Variants in ARHGAP12 observed in about 807,000 individuals in gnomAD.
ARHGAP12 encodes the protein Rho GTPase activating protein 12.
A neutral mutation model predicts 108.6 loss-of-function variants in ARHGAP12; 64 were observed. The observed-to-expected ratio is 0.59, with a 90% CI of 0.48 to 0.73. ARHGAP12 has a LOEUF of 0.73. ARHGAP12 is among the 30% of genes least tolerant of loss of function. The pLI, the probability that ARHGAP12 is intolerant of heterozygous loss-of-function variation, is 0.00. For missense variants in ARHGAP12, 940 were observed against 1,005.9 expected, an observed-to-expected ratio of 0.93 and a Z score of 0.89; for synonymous variants, 312 against 337.2, an observed-to-expected ratio of 0.93 and a Z score of 0.82.
At chr10:31,918,408 A>T (rs540715466) in intron 1 of ARHGAP12, among the ~76,000 whole-genome samples, 10 of 151,856 alleles carry the variant, frequency 6.6e-5, no homozygotes, top group East Asian at 1.9e-4. Flanking sequence ...CATTTTTTTT[A>T]AATTAAAAAA....
chr10:31,857,331 T>A (rs1836925670), intron 4 of ARHGAP12, among the ~76,000 whole-genome samples: 1 of 152,164 alleles, frequency 6.6e-6, no homozygotes, highest in Non-Finnish European at 1.5e-5. Flanking sequence ...AAAAAAATAC[T>A]TTTTTACAAT....
At position 31,805,727 on chromosome 10, in the gene ARHGAP12, T is replaced by C. The variant is rs775552743; in HGVS notation, c.*1931A>G. Reference sequence around the variant, plus strand: ...AACACAGGACAATTTTAATCTTTGATATATGTTCATGAACACCAAGAACAA... The same window carrying C: ...AACACAGGACAATTTTAATCTTTGACATATGTTCATGAACACCAAGAACAA... On this transcript the variant is annotated 3_prime_UTR_variant, in exon 20 of 20. Transcript: ENST00000344936. 1.3e-5 allele frequency: 2 copies of C among 151,868 alleles called. No homozygotes were observed. The highest frequency in any genetic ancestry group is 2.9e-5 in the Non-Finnish European group (2 of 67,998). 9.4% of individuals were successfully genotyped at this position (151,868 alleles called of 1,614,324 possible).
At chr10:31,850,270 G>A (rs1344269543) in intron 6 of ARHGAP12, among the ~76,000 whole-genome samples, 1 of 152,042 alleles carries the variant, frequency 6.6e-6, no homozygotes, top group Non-Finnish European at 1.5e-5. Flanking sequence ...AACCTAAATC[G>A]TTTTCAGTGA....
chr10:31,831,553 A>G (rs945128441), intron 10 of ARHGAP12, among the ~76,000 whole-genome samples, 186 bp downstream of exon 10: 1 of 152,188 alleles, frequency 6.6e-6, no homozygotes. Context: ...AATATTACTT[A>G]GGAAATATGT....
At chr10:31,858,124 G>C (rs1215340394) in intron 4 of ARHGAP12, among the ~76,000 whole-genome samples, 1 of 152,080 alleles carries the variant, frequency 6.6e-6, no homozygotes, top group African/African-American at 2.4e-5. Context: ...GGATGGCTGA[G>C]TGCAGGAGTT....
At chr10:31,870,122 C>T (rs1333098230) in intron 3 of ARHGAP12, among the ~76,000 whole-genome samples, 1 of 152,010 alleles carries the variant, frequency 6.6e-6, no homozygotes, top group Admixed American at 6.6e-5. Context: ...GGCTCTAAAG[C>T]TGAACTTATT....
At chr10:31,905,224 G>T (rs1839081535) in intron 3 of ARHGAP12, among the ~76,000 whole-genome samples, 1 of 152,076 alleles carries the variant, frequency 6.6e-6, no homozygotes, top group African/African-American at 2.4e-5. Context: ...TGTTGGCTGT[G>T]ATAATTGTAT....
chr10:31,927,254 TTCA>T (rs1214147285), intron 1 of ARHGAP12, among the ~76,000 whole-genome samples: 5 of 52,412 alleles, frequency 9.5e-5, no homozygotes, highest in African/African-American at 5.7e-4. Flanking sequence ...AAAATGCCTA[TTCA>T]GACCAGAGGA....
At chr10:31,913,480 A>C (rs891390774) in intron 1 of ARHGAP12, 2 of 158,458 alleles carry the variant, frequency 1.3e-5, no homozygotes, top group African/African-American at 4.8e-5. Context: ...CAAAAATCAA[A>C]GGTAAACATC....
intron 9 of ARHGAP12, among the ~76,000 whole-genome samples, chr10:31,836,312 G>C (rs1204058651): frequency 6.6e-6 from 1 of 151,880 alleles, no homozygotes; most frequent in Non-Finnish European, 1.5e-5. Context: ...AGGTACATTG[G>C]GACATATAAT....
chr10:31,872,866 C>T (rs766082315), intron 3 of ARHGAP12, among the ~76,000 whole-genome samples: 4 of 152,176 alleles, frequency 2.6e-5, no homozygotes, highest in African/African-American at 4.8e-5. Flanking sequence ...CCATACTACT[C>T]ATAATTCTAT....
intron 9 of ARHGAP12, among the ~76,000 whole-genome samples, chr10:31,834,300 C>T (rs11008670): frequency 0.24 from 36,289 of 152,062 alleles, 4,672 homozygotes; most frequent in East Asian, 0.47. Context: ...TGTAATGATA[C>T]CTGGAGGTGG....
At chr10:31,904,376 T>C (rs1839038522) in intron 3 of ARHGAP12, among the ~76,000 whole-genome samples, 1 of 152,176 alleles carries the variant, frequency 6.6e-6, no homozygotes, top group Non-Finnish European at 1.5e-5. Context: ...ATTCCATTTA[T>C]ATAAAATTCT....
intron 3 of ARHGAP12, among the ~76,000 whole-genome samples, chr10:31,869,971 T>C (rs563390188): frequency 6.6e-6 from 1 of 152,304 alleles, no homozygotes; most frequent in South Asian, 2.1e-4. Context: ...TATTAATACC[T>C]GGGTATCTAC....
At chr10:31,912,766 T>C (rs1303583594) in intron 1 of ARHGAP12, among the ~76,000 whole-genome samples, 4 of 152,002 alleles carry the variant, frequency 2.6e-5, no homozygotes, top group African/African-American at 9.7e-5. Flanking sequence ...GGGAAACAGG[T>C]TGGGAAGCTC....
chr10:31,831,828 C>T (rs372010988), intron 9 of ARHGAP12, 28 bp from the exon 10 acceptor site: 7 of 1,415,750 alleles, frequency 4.9e-6, no homozygotes, highest in African/African-American at 1.4e-5. Flanking sequence ...ACTGTTTATA[C>T]AATCACATAG....
intron 3 of ARHGAP12, among the ~76,000 whole-genome samples, chr10:31,889,249 T>A (rs563538853): frequency 5.3e-4 from 80 of 152,340 alleles, no homozygotes; most frequent in African/African-American, 1.9e-3. Context: ...TTATACATTC[T>A]AGGCAAAGGG....
At chr10:31,845,566 C>T (rs1371539643) in intron 6 of ARHGAP12, among the ~76,000 whole-genome samples, 1 of 152,080 alleles carries the variant, frequency 6.6e-6, no homozygotes, top group African/African-American at 2.4e-5. Flanking sequence ...GGGTGGATCA[C>T]CTGAGGTCAG....
intron 3 of ARHGAP12, among the ~76,000 whole-genome samples, chr10:31,896,811 T>C (rs1838718821): frequency 6.6e-6 from 1 of 152,096 alleles, no homozygotes; most frequent in African/African-American, 2.4e-5. Context: ...AACACCAAGA[T>C]AAAAGCTGAA....
Sources: gnomAD v4.1 joint callset for allele counts (sites outside exome capture counted in the v4.1 genomes callset) on GRCh38, gnomAD v4.1.1 for gene constraint, MANE v1.5 for transcripts, NCBI Gene and HGNC (gene_info 2026-07-23, HGNC 2026-07-21) for gene names.